SLC24A2: variants seen among roughly 807,000 people sequenced by gnomAD.
The protein encoded by SLC24A2 is sodium/potassium/calcium exchanger 2.
A neutral mutation model predicts 62.0 loss-of-function variants in SLC24A2; 36 were observed. That is an observed-to-expected ratio of 0.58 (90% confidence interval 0.44 to 0.77). SLC24A2 has a LOEUF of 0.77. SLC24A2 is among the 30% of genes least tolerant of loss of function. The probability of loss-of-function intolerance (pLI) is 0.00; values close to 1 mark genes in which losing one functional copy is unlikely to be tolerated. For synonymous variants in SLC24A2, 358 were observed against 294.0 expected (o/e 1.22, Z -2.23); for missense variants, 846 against 817.9 (o/e 1.03, Z -0.42).
the SLC24A2 span, among the ~76,000 whole-genome samples, chr9:19,983,659 AT>A: frequency 2.0e-5 from 3 of 152,256 alleles, 1 homozygote; most frequent in East Asian, 5.8e-4. Context: ...AAAGAAAAAA[AT>A]GTTTTATTTT....
chr9:20,201,455 A>G, the SLC24A2 span, among the ~76,000 whole-genome samples: 1 of 152,222 alleles, frequency 6.6e-6, no homozygotes, highest in African/African-American at 2.4e-5. Context: ...ACAGAGACCA[A>G]GAGGGGATAG....
At chr9:20,269,495 G>A in the SLC24A2 span, among the ~76,000 whole-genome samples, 1 of 152,140 alleles carries the variant, frequency 6.6e-6, no homozygotes, top group Non-Finnish European at 1.5e-5. Flanking sequence ...GTGGGGTACA[G>A]TAAGAAGGGG....
chr9:19,720,624 C>G (rs1260667825), intron 2 of SLC24A2, among the ~76,000 whole-genome samples: 2 of 150,972 alleles, frequency 1.3e-5, no homozygotes, highest in African/African-American at 4.9e-5. Context: ...ATGCTGGAGT[C>G]TTGGAGTCTG....
At chr9:19,841,652 C>A in the SLC24A2 span, among the ~76,000 whole-genome samples, 15 of 152,150 alleles carry the variant, frequency 9.9e-5, no homozygotes, top group South Asian at 6.2e-4. Context: ...CACACTGAAG[C>A]TTTGTCAAGT....
the SLC24A2 span, among the ~76,000 whole-genome samples, chr9:19,813,113 G>A: frequency 2.0e-5 from 3 of 152,088 alleles, no homozygotes; most frequent in African/African-American, 7.2e-5. Flanking sequence ...CTTCCTCAGA[G>A]TTTTTGGCCC....
the SLC24A2 span, among the ~76,000 whole-genome samples, chr9:19,858,113 G>A: frequency 2.0e-5 from 3 of 152,100 alleles, no homozygotes; most frequent in African/African-American, 7.2e-5. Flanking sequence ...TATACTACAA[G>A]GCTACAGTAA....
chr9:19,634,829 T>C (rs553270811), intron 2 of SLC24A2, among the ~76,000 whole-genome samples: 28 of 152,264 alleles, frequency 1.8e-4, no homozygotes, highest in Non-Finnish European at 3.4e-4. Context: ...TTCAATGTCA[T>C]GCATCCCTCT....
At chr9:19,534,919 T>G (rs1379739045) in intron 8 of SLC24A2, among the ~76,000 whole-genome samples, 1 of 152,170 alleles carries the variant, frequency 6.6e-6, no homozygotes, top group Non-Finnish European at 1.5e-5. Context: ...TTCTAGATCC[T>G]TGAGGAATTG....
the SLC24A2 span, among the ~76,000 whole-genome samples, chr9:20,210,450 A>C: frequency 1.4e-3 from 219 of 152,190 alleles, 2 homozygotes; most frequent in African/African-American, 4.9e-3. Flanking sequence ...GATGGACAAA[A>C]TCATCATGCA....
At chr9:19,930,559 T>G in the SLC24A2 span, among the ~76,000 whole-genome samples, 1 of 152,224 alleles carries the variant, frequency 6.6e-6, no homozygotes, top group Admixed American at 6.5e-5. Context: ...TAGAGTCTTC[T>G]CAGTGGCCAT....
intron 2 of SLC24A2, among the ~76,000 whole-genome samples, chr9:19,694,909 T>C (rs1820140994): frequency 6.6e-6 from 1 of 151,854 alleles, no homozygotes; most frequent in Non-Finnish European, 1.5e-5. Context: ...ACTAGGCCCC[T>C]CATCAAGTTG....
chr9:19,787,043 ATAAG>A, intron 1 of SLC24A2, 24 bp from the exon 2 acceptor site: 3 of 1,363,724 alleles, frequency 2.2e-6, no homozygotes, highest in Non-Finnish European at 2.8e-6. Flanking sequence ...AAAAACGAGA[ATAAG>A]TAAATCATAA....
chr9:19,581,468 A>C (rs967156332), intron 5 of SLC24A2, among the ~76,000 whole-genome samples: 3 of 152,164 alleles, frequency 2.0e-5, no homozygotes, highest in African/African-American at 7.2e-5. Context: ...GCCCAGAATA[A>C]GTAAGATGGA....
At chr9:19,894,863 A>T in the SLC24A2 span, among the ~76,000 whole-genome samples, 1 of 152,312 alleles carries the variant, frequency 6.6e-6, no homozygotes, top group East Asian at 1.9e-4. Flanking sequence ...TGCTACCTTC[A>T]AGCAGCCTGA....
the SLC24A2 span, among the ~76,000 whole-genome samples, chr9:19,882,709 T>C: frequency 6.6e-6 from 1 of 150,644 alleles, no homozygotes; most frequent in Non-Finnish European, 1.5e-5. Flanking sequence ...CACCCAGTCA[T>C]TTACTGGGCA....
intron 7 of SLC24A2, among the ~76,000 whole-genome samples, chr9:19,554,111 G>T (rs4977557): frequency 0.71 from 108,103 of 152,024 alleles, 40,908 homozygotes; most frequent in East Asian, 1. Flanking sequence ...TATAGGAGAA[G>T]ATTAGGACAC....
the SLC24A2 span, among the ~76,000 whole-genome samples, chr9:19,797,274 C>T: frequency 7.2e-5 from 11 of 152,090 alleles, no homozygotes; most frequent in Non-Finnish European, 1.5e-4. Context: ...AGTAGGTGTT[C>T]GATAAGTATC....
At chr9:19,671,492 A>G (rs1288565127) in intron 2 of SLC24A2, among the ~76,000 whole-genome samples, 2 of 152,132 alleles carry the variant, frequency 1.3e-5, no homozygotes, top group Non-Finnish European at 2.9e-5. Context: ...TGATCATATC[A>G]TTGGCAAACA....
the SLC24A2 span, among the ~76,000 whole-genome samples, chr9:19,822,572 T>C: frequency 6.6e-6 from 1 of 152,138 alleles, no homozygotes; most frequent in Non-Finnish European, 1.5e-5. Flanking sequence ...CACCATGAAG[T>C]TGCAATTAGA....
Sources: allele counts gnomAD v4.1 joint callset (sites outside exome capture counted in the v4.1 genomes callset), GRCh38; gene constraint gnomAD v4.1.1; transcripts MANE v1.5; gene names NCBI Gene and HGNC (gene_info 2026-07-23, HGNC 2026-07-21).